Variants in ABCG8 observed in about 807,000 individuals in gnomAD.
The protein encoded by ABCG8 is ATP binding cassette subfamily G member 8, also known as ATP-binding cassette sub-family G member 8.
A neutral mutation model predicts 71.3 loss-of-function variants in ABCG8; 81 were observed. That is an observed-to-expected ratio of 1.14 (90% CI 0.95 to 1.37). The LOEUF is 1.37. Ranked by LOEUF, ABCG8 falls within the 40% of genes most tolerant of loss-of-function variation. The probability of loss-of-function intolerance (pLI) is 0.00; values close to 1 mark genes in which losing one functional copy is unlikely to be tolerated. For synonymous variants in ABCG8, 451 were observed against 354.7 expected (o/e 1.27, Z -3.05); for missense variants, 1,119 against 866.2 (o/e 1.29, Z -3.66).
In ABCG8 at chr2:43,872,124, C is replaced by A. The variant is rs1287312062; in HGVS notation, c.1113C>A (p.Asp371Glu). Residue 371 changes from aspartate (D) to glutamate (E), a missense_variant, in exon 7 of 13, where the codon GAC becomes GAA. By Grantham distance (45) the Asp-to-Glu change is conservative. Transcript: ENST00000272286. The stretch of plus-strand genomic sequence containing the variant: ...CAGAGACGAAGGATCTTGACGAGGA[C>A]ACCTGTGTGGAAAGGTAAGGTGGCA... ...WKAETKDLDE[D>E]TCVESSVTPL... The A allele has an allele frequency of 6.2e-7, 1 of 1,614,124 alleles. No individual in the cohort carries two copies. The highest frequency in any genetic ancestry group is 1.3e-5 in the African/African-American group (1 of 75,046).
At position 43,875,284 on chromosome 2, in the gene ABCG8, A is replaced by G; in HGVS notation, c.1627A>G (p.Arg543Gly). ...LLVWLVVFCCRIMALAAAALL... is the reference protein window; with the variant it reads ...LLVWLVVFCCGIMALAAAALL... ...GGTGTGGCTGGTGGTCTTCTGTTGCAGGATTATGGCCCTGGCCGCCGCGGC... is the reference window on the plus strand; with the variant it reads ...GGTGTGGCTGGTGGTCTTCTGTTGCGGGATTATGGCCCTGGCCGCCGCGGC... Residue 543 changes from arginine to glycine, a missense_variant, in exon 11 of 13, where the codon AGG (arginine) becomes GGG (glycine). Transcript: ENST00000272286. The G allele has an allele frequency of 6.2e-7, 1 of 1,614,104 alleles. No individual in the cohort carries two copies. The highest frequency in any genetic ancestry group is 8.5e-7 in the Non-Finnish European group (1 of 1,180,008).
chr2:43,881,223 A>T lies in ABCG8; in HGVS notation c.*3310A>T, dbSNP rs1278816639. 1.3e-5 allele frequency: 2 copies of T among 152,282 alleles called. No homozygotes were observed. Among genetic ancestry groups the T allele is most frequent in the African/African-American group, 4.8e-5 (2 of 41,468 alleles). The allele number at this position is 152,282 out of a possible 1,614,324, so 9.4% of individuals were successfully genotyped here. A position where few individuals can be genotyped will look rare whatever the true frequency, so the allele number is the denominator to read the frequency against. ...TGAAGGGGAAAAGGGCAAAGTGCAA[A>T]GGCAGGAGGGATGGAGAAAATATAG... On this transcript the variant is annotated 3_prime_UTR_variant, in exon 13 of 13. Transcript: ENST00000272286.
chr2:43,877,572 A>C lies in ABCG8; in HGVS notation c.1768A>C (p.Ile590Leu), dbSNP rs772108785. The change falls in exon 12 of 13, where the codon ATT (isoleucine) becomes CTT (leucine). Residue 590 changes from isoleucine to leucine, a missense_variant. Ile to Leu is a conservative substitution (Grantham distance 5). Transcript: ENST00000272286. Reference protein sequence around the residue: ...LSSLWTVPAWISKVSFLRWCF... With the variant: ...LSSLWTVPAWLSKVSFLRWCF... ...CTGTCTGTCTCCAGTGCCCGCGTGGATTTCCAAAGTGTCCTTCCTGCGGTG... is the reference window on the plus strand; with the variant it reads ...CTGTCTGTCTCCAGTGCCCGCGTGGCTTTCCAAAGTGTCCTTCCTGCGGTG... The C allele has an allele frequency of 1.9e-6, 3 of 1,613,886 alleles. No individual in the cohort carries two copies. Among genetic ancestry groups the C allele is most frequent in the Non-Finnish European group, 2.5e-6 (3 of 1,180,006 alleles).
chr2:43,851,781 C>A lies in ABCG8; in HGVS notation c.520C>A (p.Arg174=). The A allele has an allele frequency of 7.4e-6, 12 of 1,614,222 alleles. No individual in the cohort carries two copies. Among genetic ancestry groups the A allele is most frequent in the Non-Finnish European group, 1.0e-5 (12 of 1,180,036 alleles). ...RETLAFIAQM[R]LPRTFSQAQR... ...GACCTTGGCCTTCATTGCCCAGATG[C>A]GGCTGCCCAGAACCTTCTCCCAGGC... The change falls in exon 4 of 13, where the codon CGG becomes AGG. Residue 174 remains arginine, a synonymous_variant. Transcript: ENST00000272286.
chr2:43,860,729 C>T (rs1227924346), intron 6 of ABCG8, among the ~76,000 whole-genome samples: 1 of 151,278 alleles, frequency 6.6e-6, no homozygotes, highest in African/African-American at 2.4e-5. Context: ...ATGGAACTCT[C>T]ACTATCTGGA....
intron 6 of ABCG8, among the ~76,000 whole-genome samples, chr2:43,854,198 G>C (rs1383490571): frequency 1.3e-5 from 2 of 152,208 alleles, no homozygotes; most frequent in Non-Finnish European, 2.9e-5. Flanking sequence ...TCACCAACCT[G>C]GGATGCAAGA....
At chr2:43,848,937 G>A (rs751212852) in intron 3 of ABCG8, among the ~76,000 whole-genome samples, 1 of 149,380 alleles carries the variant, frequency 6.7e-6, no homozygotes. Flanking sequence ...TGGGAGAATC[G>A]CTTGAACCCT....
At chr2:43,867,209 G>A (rs559101193) in intron 6 of ABCG8, among the ~76,000 whole-genome samples, 1 of 117,674 alleles carries the variant, frequency 8.5e-6, no homozygotes, top group Admixed American at 9.6e-5. Context: ...GGTGGGGGGA[G>A]GGGGGAGGGA....
At chr2:43,859,433 C>G (rs1669226413) in intron 6 of ABCG8, among the ~76,000 whole-genome samples, 1 of 151,354 alleles carries the variant, frequency 6.6e-6, no homozygotes, top group South Asian at 2.1e-4. Context: ...ATAGAACTCT[C>G]ACTATCTATC....
At chr2:43,874,591 T>C in intron 10 of ABCG8, 108 bp downstream of exon 10, 1 of 894,174 alleles carries the variant, frequency 1.1e-6, no homozygotes, top group Non-Finnish European at 1.9e-6. Context: ...GGGCCGTGGG[T>C]CATGTGAAGT....
At chr2:43,876,629 G>A (rs971246851) in intron 11 of ABCG8, among the ~76,000 whole-genome samples, 2 of 148,666 alleles carry the variant, frequency 1.3e-5, no homozygotes, top group Admixed American at 6.6e-5. Flanking sequence ...GTGAGAATAT[G>A]GGGAGACCGT....
Position 43,878,222 on chromosome 2 carries a change from G to A in ABCG8, c.*309G>A. 1 of 403,442 alleles carries A rather than the reference G, an allele frequency of 2.5e-6. No individual in the cohort carries two copies. The highest frequency in any genetic ancestry group is 4.7e-6 in the Non-Finnish European group (1 of 211,680). The allele number at this position is 403,442 out of a possible 1,614,324, so 25.0% of individuals were successfully genotyped here. On this transcript the variant is annotated 3_prime_UTR_variant, in exon 13 of 13. Coordinates refer to ENST00000272286, the MANE Select transcript of ABCG8 (RefSeq NM_022437.3). ...CATTTATATAGGCAACTCGATATAG[G>A]ATGGGAGCAAACTAGGAATGAATTG...
At position 43,852,226 on chromosome 2, in the gene ABCG8, T is replaced by A. The variant is rs564143082; in HGVS notation, c.562-128T>A. 6.1e-6 allele frequency: 8 copies of A among 1,314,696 alleles called. No homozygotes were observed. In the South Asian group the frequency reaches 9.6e-5, roughly 16 times the overall value. The allele number at this position is 1,314,696 out of a possible 1,614,324, so 81.4% of individuals were successfully genotyped here. ...CCAATGTTGCAGCTTGGAACTCAAGTGCTGGAGCTGTCTCCCTTCACTTTC... is the reference window on the plus strand; with the variant it reads ...CCAATGTTGCAGCTTGGAACTCAAGAGCTGGAGCTGTCTCCCTTCACTTTC... On this transcript the variant is annotated intron_variant, in intron 4 of 12. Transcript: ENST00000272286.
At chr2:43,851,912 C>T in intron 4 of ABCG8, 90 bp downstream of exon 4, 1 of 1,429,518 alleles carries the variant, frequency 7.0e-7, no homozygotes, top group Non-Finnish European at 9.8e-7. Context: ...CCTCAGGACC[C>T]AGCCGCAGGT....
chr2:43,871,075 A>G (rs1313792901), intron 6 of ABCG8, among the ~76,000 whole-genome samples: 2 of 139,666 alleles, frequency 1.4e-5, no homozygotes, highest in Non-Finnish European at 3.2e-5. Flanking sequence ...TAGAACTCTC[A>G]CTATCTGTCT....
At position 43,882,349 on chromosome 2, in the gene ABCG8, C is replaced by T. The variant is rs1449588641; in HGVS notation, c.*4436C>T. The T allele has an allele frequency of 6.6e-6, 1 of 152,142 alleles. No individual in the cohort carries two copies. Among genetic ancestry groups the T allele is most frequent in the East Asian group, 1.9e-4 (1 of 5,200 alleles). The allele number at this position is 152,142 out of a possible 1,614,324, so 9.4% of individuals were successfully genotyped here. A position where few individuals can be genotyped will look rare whatever the true frequency, so the allele number is the denominator to read the frequency against. ...ATCCAAGTGTTAACAGACCTGGGAC[C>T]AGGGGTTCCTCATAGTGGCTTAGCA... On this transcript the variant is annotated 3_prime_UTR_variant, in exon 13 of 13. Transcript: ENST00000272286.
chr2:43,846,719 C>T (rs1668754063), intron 3 of ABCG8: 1 of 295,776 alleles, frequency 3.4e-6, no homozygotes, highest in African/African-American at 2.2e-5. Flanking sequence ...GCCACACTCT[C>T]ACCTCTCAGA....
At chr2:43,853,704 C>G (rs922468840) in intron 6 of ABCG8, among the ~76,000 whole-genome samples, 3 of 152,224 alleles carry the variant, frequency 2.0e-5, no homozygotes, top group African/African-American at 7.2e-5. Context: ...AAGCCCCGGC[C>G]AGGCCAAGGC....
intron 4 of ABCG8, 128 bp downstream of exon 4, chr2:43,851,950 C>T (rs911265955): frequency 2.4e-5 from 26 of 1,101,026 alleles, no homozygotes; most frequent in African/African-American, 1.5e-4. Flanking sequence ...GCTTGCCTTC[C>T]GCCAGCCCTG....
Sources: allele counts gnomAD v4.1 joint callset (sites outside exome capture counted in the v4.1 genomes callset), GRCh38; gene constraint gnomAD v4.1.1; transcripts MANE v1.5; gene names NCBI Gene and HGNC (gene_info 2026-07-23, HGNC 2026-07-21).